Variants in ZBBX observed in about 807,000 individuals in gnomAD.
ZBBX encodes the protein zinc finger B-box domain containing.
Under a neutral mutation model 108.5 loss-of-function variants are expected in ZBBX, and 101 were observed. That is an observed-to-expected ratio of 0.93 (90% CI 0.79 to 1.10). The LOEUF (loss-of-function observed/expected upper bound fraction) is 1.10. Ranked by LOEUF, ZBBX falls within the 50% of genes least tolerant of loss-of-function variation. ZBBX has a pLI of 0.00. For missense variants in ZBBX, 1,009 were observed against 941.4 expected, an observed-to-expected ratio of 1.07 and a Z score of -0.94; for synonymous variants, 356 against 323.4, an observed-to-expected ratio of 1.10 and a Z score of -1.08.
chr3:167,336,743 G>T (rs2108420882), intron 9 of ZBBX, among the ~76,000 whole-genome samples: 1 of 152,198 alleles, frequency 6.6e-6, no homozygotes, highest in East Asian at 1.9e-4. Flanking sequence ...TTTGAACATT[G>T]TTCTTTGCTT....
chr3:167,407,760 G>A (rs77008732), exon 1 of ZBBX, among the ~76,000 whole-genome samples: 4,541 of 152,064 alleles, frequency 0.03, 109 homozygotes, highest in Non-Finnish European at 0.03. Context: ...GAAGAGGAGG[G>A]GTTGGTCTTG....
At chr3:167,274,956 T>C (rs1727242161) in intron 20 of ZBBX, among the ~76,000 whole-genome samples, 1 of 152,170 alleles carries the variant, frequency 6.6e-6, no homozygotes, top group Non-Finnish European at 1.5e-5. Context: ...AAAATTGCCT[T>C]GATGAGGAAA....
At chr3:167,263,476 A>G (rs966989123) in intron 20 of ZBBX, among the ~76,000 whole-genome samples, 3 of 152,188 alleles carry the variant, frequency 2.0e-5, no homozygotes, top group Non-Finnish European at 4.4e-5. Flanking sequence ...TAATTTATAC[A>G]TTGATACACT....
At chr3:167,215,200 C>CT in the ZBBX span, among the ~76,000 whole-genome samples, 1 of 151,504 alleles carries the variant, frequency 6.6e-6, no homozygotes, top group Admixed American at 6.6e-5. Flanking sequence ...CCAGGAACTG[C>CT]TTTTTTTTAA....
At chr3:167,377,085 C>T (rs1747074216) in intron 2 of ZBBX, among the ~76,000 whole-genome samples, 1 of 152,010 alleles carries the variant, frequency 6.6e-6, no homozygotes, top group Non-Finnish European at 1.5e-5. Flanking sequence ...TTTCTAGTTA[C>T]CTGATTTATT....
At chr3:167,254,681 A>G (rs1412573697) in intron 20 of ZBBX, among the ~76,000 whole-genome samples, 1 of 152,124 alleles carries the variant, frequency 6.6e-6, no homozygotes, top group Non-Finnish European at 1.5e-5. Context: ...ACAGAAAAGC[A>G]ATTCAAAGAT....
chr3:167,249,759 G>A (rs760322690), intron 20 of ZBBX, among the ~76,000 whole-genome samples: 3 of 152,190 alleles, frequency 2.0e-5, no homozygotes, highest in Non-Finnish European at 4.4e-5. Flanking sequence ...GAAGCAGGCT[G>A]CTCTGTCAGC....
intron 20 of ZBBX, among the ~76,000 whole-genome samples, chr3:167,251,873 C>A (rs1179997001): frequency 6.6e-6 from 1 of 151,270 alleles, no homozygotes; most frequent in Non-Finnish European, 1.5e-5. Context: ...TGGTTATCAA[C>A]CAATCTGCTT....
At chr3:167,362,652 A>C (rs1021319744) in intron 6 of ZBBX, among the ~76,000 whole-genome samples, 1 of 152,150 alleles carries the variant, frequency 6.6e-6, no homozygotes, top group East Asian at 1.9e-4. Context: ...TCAAAAGTTT[A>C]CATCAACTGA....
Position 167,298,322 on chromosome 3 carries a change from G to C in ZBBX, c.1862C>G (p.Thr621Ser). The C allele has an allele frequency of 6.3e-7, 1 of 1,596,946 alleles. No homozygotes were observed. Among genetic ancestry groups the C allele is most frequent in the South Asian group, 1.2e-5 (1 of 86,276 alleles). Residue 621 changes from threonine to serine, a missense_variant, in exon 18 of 22, where the codon ACT becomes AGT. By Grantham distance (58) the Thr-to-Ser change is moderately conservative. Coordinates refer to ENST00000675490, the MANE Select transcript of ZBBX (RefSeq NM_001199201.2). ...AAATTTACCTGCAAGTGTAATCCTA[G>C]TACTGGAATTGTTGCATTCTAAACG... ...SHRLECNNSSTRITLAEDREW... is the reference protein window; with the variant it reads ...SHRLECNNSSSRITLAEDREW...
At chr3:167,187,696 G>T in the ZBBX span, among the ~76,000 whole-genome samples, 1 of 152,130 alleles carries the variant, frequency 6.6e-6, no homozygotes, top group African/African-American at 2.4e-5. Flanking sequence ...ATTGAAATGA[G>T]CCCAACAAAT....
intron 10 of ZBBX, among the ~76,000 whole-genome samples, chr3:167,331,066 G>A (rs1163483200): frequency 1.3e-5 from 2 of 150,272 alleles, no homozygotes; most frequent in Non-Finnish European, 3.0e-5. Context: ...AGCCTCACCA[G>A]GAACCAATAC....
Position 167,314,128 on chromosome 3 carries a change from A to G in ZBBX, c.1275-12T>C. 2 of 1,567,622 alleles carry G rather than the reference A, an allele frequency of 1.3e-6. No homozygotes were observed. Among genetic ancestry groups the G allele is most frequent in the African/African-American group, 2.8e-5 (2 of 72,504 alleles). Reference sequence around the variant, plus strand: ...CATGAAAAGCACAACTTTCACATGTAGGAACAAACAAAATAATAGAGTTGA... The same window carrying G: ...CATGAAAAGCACAACTTTCACATGTGGGAACAAACAAAATAATAGAGTTGA... On this transcript the variant is annotated splice_polypyrimidine_tract_variant and intron_variant, in intron 15 of 21. Coordinates refer to ENST00000675490, the MANE Select transcript of ZBBX (RefSeq NM_001199201.2).
chr3:167,278,969 C>G (rs1197528649), intron 20 of ZBBX, among the ~76,000 whole-genome samples: 1 of 152,088 alleles, frequency 6.6e-6, no homozygotes, highest in Non-Finnish European at 1.5e-5. Flanking sequence ...TAAATGTAAT[C>G]CAGCATATAA....
At chr3:167,247,694 G>T (rs554774688) in intron 20 of ZBBX, among the ~76,000 whole-genome samples, 2 of 152,222 alleles carry the variant, frequency 1.3e-5, no homozygotes, top group East Asian at 3.9e-4. Flanking sequence ...TCCCCGAGAG[G>T]TTAGAGCAGT....
chr3:167,183,610 T>C, the ZBBX span, among the ~76,000 whole-genome samples: 1 of 152,230 alleles, frequency 6.6e-6, no homozygotes, highest in African/African-American at 2.4e-5. Flanking sequence ...ATTGTTCCTG[T>C]AGATTATAAT....
In ZBBX at chr3:167,266,077, G is replaced by C. The variant is rs73879641; in HGVS notation, c.2254+16161C>G. ...ACTGTGATTACTCACCTGAGTTTTG[G>C]TTCCTGCCACGGTGCTTTCCTATGT... is the stretch of plus-strand genomic sequence containing the variant. On this transcript the variant is annotated intron_variant, in intron 20 of 21. Coordinates refer to ENST00000675490, the MANE Select transcript of ZBBX (RefSeq NM_001199201.2). 2.4e-3 allele frequency among the ~76,000 whole-genome samples: 369 copies of C among 152,292 alleles called. 3 individuals carry two copies. Among genetic ancestry groups the C allele is most frequent in the African/African-American group, 8.3e-3 (343 of 41,562 alleles).
Position 167,240,705 on chromosome 3 carries a change from C to T in ZBBX, c.*88G>A. 3.4e-6 allele frequency: 5 copies of T among 1,459,516 alleles called. 1 individual carries two copies. The East Asian group carries it at 1.2e-4, about 34-fold the overall frequency. The allele number at this position is 1,459,516 out of a possible 1,614,324, so 90.4% of individuals were successfully genotyped here. On this transcript the variant is annotated 3_prime_UTR_variant, in exon 22 of 22. Transcript: ENST00000675490. ...AGACATTAGTAATCAAAATCTCCAG[C>T]ACTTGGATAGGTAATCACTTGGTTA...
chr3:167,315,662 A>C, intron 15 of ZBBX, 88 bp downstream of exon 15: 2 of 937,542 alleles, frequency 2.1e-6, no homozygotes, highest in Non-Finnish European at 3.3e-6. Flanking sequence ...TTCACACCAC[A>C]TATTTCACAT....
Sources: gnomAD v4.1 joint callset for allele counts (sites outside exome capture counted in the v4.1 genomes callset) on GRCh38, gnomAD v4.1.1 for gene constraint, MANE v1.5 for transcripts, NCBI Gene and HGNC (gene_info 2026-07-23, HGNC 2026-07-21) for gene names.